MAGI2: variants seen among roughly 807,000 people sequenced by gnomAD.
MAGI2 encodes the protein membrane-associated guanylate kinase, WW and PDZ domain-containing protein 2.
MAGI2 carries 35 observed loss-of-function variants against 133.3 expected under a neutral mutation model. The observed-to-expected ratio is 0.26, with a 90% CI of 0.20 to 0.35. The LOEUF (loss-of-function observed/expected upper bound fraction) is 0.35. MAGI2 is among the 10% of genes least tolerant of loss of function. MAGI2 has a pLI of 1.00. For synonymous variants in MAGI2, 729 were observed against 710.6 expected (o/e 1.03, Z -0.41); for missense variants, 1,636 against 1,863.4 (o/e 0.88, Z 2.25).
chr7:78,940,799 C>A (rs1053120395), intron 2 of MAGI2: 1 of 152,084 alleles, frequency 6.6e-6, no homozygotes, highest in Non-Finnish European at 1.5e-5. Flanking sequence ...CAGAAGGTCC[C>A]CAGAAAATGT....
chr7:78,404,518 A>G (rs1797196045), intron 6 of MAGI2, among the ~76,000 whole-genome samples: 2 of 152,178 alleles, frequency 1.3e-5, no homozygotes, highest in Admixed American at 1.3e-4. Context: ...AATACCACAT[A>G]TCTACAACCA....
chr7:78,418,711 TG>T (rs1798520608), intron 6 of MAGI2, among the ~76,000 whole-genome samples: 1 of 152,166 alleles, frequency 6.6e-6, no homozygotes, highest in African/African-American at 2.4e-5. Flanking sequence ...TGATGATTAC[TG>T]TTTGATGGCA....
chr7:79,135,756 C>T (rs1291493623), intron 1 of MAGI2, among the ~76,000 whole-genome samples: 1 of 151,642 alleles, frequency 6.6e-6, no homozygotes, highest in African/African-American at 2.4e-5. Flanking sequence ...GCCTGGGCAA[C>T]ATAGCAATAC....
intron 1 of MAGI2, among the ~76,000 whole-genome samples, chr7:79,430,023 C>T (rs558130384): frequency 2.7e-4 from 41 of 151,960 alleles, no homozygotes; most frequent in Middle Eastern, 7.0e-3. Context: ...GAAAAATATG[C>T]CTTGTATTTA....
intron 13 of MAGI2, among the ~76,000 whole-genome samples, chr7:78,185,035 A>G (rs1002963223): frequency 6.6e-6 from 1 of 152,202 alleles, no homozygotes; most frequent in African/African-American, 2.4e-5. Context: ...GTGTTATTCA[A>G]TGCAAATAAA....
intron 3 of MAGI2, among the ~76,000 whole-genome samples, chr7:78,585,578 G>C (rs1011311442): frequency 3.9e-5 from 6 of 152,178 alleles, no homozygotes; most frequent in Non-Finnish European, 8.8e-5. Context: ...GTGCAGCTGA[G>C]AGAGCAGCAC....
intron 2 of MAGI2, among the ~76,000 whole-genome samples, chr7:78,665,545 A>C (rs970787082): frequency 1.3e-5 from 2 of 152,132 alleles, no homozygotes; most frequent in East Asian, 3.9e-4. Context: ...TTCTTTTCTA[A>C]TCTTTCTGGA....
chr7:79,422,151 C>T (rs1272404865), intron 1 of MAGI2, among the ~76,000 whole-genome samples: 4 of 151,952 alleles, frequency 2.6e-5, no homozygotes, highest in African/African-American at 9.7e-5. Context: ...GTATTAGTCG[C>T]CTATGGTATG....
chr7:78,624,368 C>T (rs1584883605), intron 3 of MAGI2, among the ~76,000 whole-genome samples: 1 of 151,942 alleles, frequency 6.6e-6, no homozygotes, highest in South Asian at 2.1e-4. Flanking sequence ...TTGGTGTTTT[C>T]ATCACGAAAC....
intron 3 of MAGI2, among the ~76,000 whole-genome samples, chr7:78,557,095 A>AG (rs1344360187): frequency 1.4e-5 from 2 of 147,846 alleles, no homozygotes; most frequent in Admixed American, 6.8e-5. Context: ...AAAAAAAAAA[A>AG]AAAAAGAAAA....
At chr7:79,358,850 A>G (rs1842194273) in intron 1 of MAGI2, among the ~76,000 whole-genome samples, 1 of 152,196 alleles carries the variant, frequency 6.6e-6, no homozygotes, top group Non-Finnish European at 1.5e-5. Context: ...ATAGTCCACA[A>G]AAGTATGTCA....
chr7:79,218,576 G>C (rs535804542), intron 1 of MAGI2, among the ~76,000 whole-genome samples: 20 of 152,090 alleles, frequency 1.3e-4, no homozygotes, highest in South Asian at 4.2e-4. Context: ...CAGAGTGAAG[G>C]CTTCATGTTT....
chr7:78,358,261 C>T (rs1792373046), intron 7 of MAGI2: 1 of 129,188 alleles, frequency 7.7e-6, no homozygotes, highest in Non-Finnish European at 1.6e-5. Context: ...ATCTAGCTAT[C>T]TATTTTGCCC....
chr7:79,161,185 T>G (rs950716857), intron 1 of MAGI2, among the ~76,000 whole-genome samples: 1 of 152,092 alleles, frequency 6.6e-6, no homozygotes, highest in East Asian at 1.9e-4. Flanking sequence ...TGCATCTGAC[T>G]GGGGATGTTA....
chr7:78,053,296 G>C (rs1349789141), intron 21 of MAGI2, among the ~76,000 whole-genome samples: 5 of 152,310 alleles, frequency 3.3e-5, no homozygotes, highest in Non-Finnish European at 5.9e-5. Context: ...TAGAACATTA[G>C]TCTTTCAAAG....
chr7:79,189,923 A>G (rs1214055269), intron 1 of MAGI2, among the ~76,000 whole-genome samples: 1 of 151,782 alleles, frequency 6.6e-6, no homozygotes, highest in African/African-American at 2.4e-5. Context: ...TATGCACTTA[A>G]GGTCCCTCCC....
At chr7:78,203,049 A>C (rs1265768612) in intron 10 of MAGI2, among the ~76,000 whole-genome samples, 2 of 152,216 alleles carry the variant, frequency 1.3e-5, no homozygotes, top group Non-Finnish European at 2.9e-5. Context: ...CTGATTGACC[A>C]TTGTCTTCAG....
chr7:79,273,133 T>G (rs1469559873), intron 1 of MAGI2, among the ~76,000 whole-genome samples: 1 of 152,130 alleles, frequency 6.6e-6, no homozygotes, highest in African/African-American at 2.4e-5. Context: ...TCTCTCATTC[T>G]GTAGGAAAAA....
intron 2 of MAGI2, among the ~76,000 whole-genome samples, chr7:78,804,739 A>C: frequency 8.2e-6 from 1 of 121,426 alleles, no homozygotes; most frequent in Admixed American, 9.7e-5. Flanking sequence ...ACAGAGCGAG[A>C]CTCTGTCTCA....
Sources: allele counts gnomAD v4.1 joint callset (sites outside exome capture counted in the v4.1 genomes callset), GRCh38; gene constraint gnomAD v4.1.1; transcripts MANE v1.5; gene names NCBI Gene and HGNC (gene_info 2026-07-23, HGNC 2026-07-21).